The following FAXC variants were observed in gnomAD, a reference collection of about 807,000 sequenced individuals.
FAXC encodes the protein failed axon connections homolog.
FAXC carries 10 observed loss-of-function variants against 41.9 expected under a neutral mutation model. The ratio of observed to expected loss-of-function variants is 0.24; its 90% CI spans 0.15 to 0.41. FAXC has a LOEUF of 0.41. Among genes scored for constraint, FAXC ranks in the 10% least tolerant of loss-of-function variants. The pLI is 1.00. For synonymous variants in FAXC, 183 were observed against 183.8 expected, an observed-to-expected ratio of 1.00 and a Z score of 0.03; for missense variants, 399 against 510.9, an observed-to-expected ratio of 0.78 and a Z score of 2.11.
intron 4 of FAXC, among the ~76,000 whole-genome samples, chr6:99,302,815 C>G (rs1440762685): frequency 1.3e-5 from 2 of 151,760 alleles, no homozygotes; most frequent in Admixed American, 6.6e-5. Context: ...TTTACCAGAG[C>G]TACATTCAAA....
chr6:99,334,599 C>T, intron 2 of FAXC: 1 of 981,384 alleles, frequency 1.0e-6, no homozygotes, highest in Non-Finnish European at 1.2e-6. Flanking sequence ...AAGATGTAAA[C>T]TTACCACATA....
At chr6:99,289,977 G>T (rs1314923575) in intron 5 of FAXC, among the ~76,000 whole-genome samples, 3 of 152,008 alleles carry the variant, frequency 2.0e-5, no homozygotes, top group Non-Finnish European at 4.4e-5. Flanking sequence ...CCCAGGAAGA[G>T]ATCAAAATTC....
intron 1 of FAXC, among the ~76,000 whole-genome samples, chr6:99,345,563 T>C (rs1405305997): frequency 6.6e-6 from 1 of 152,220 alleles, no homozygotes; most frequent in African/African-American, 2.4e-5. Context: ...AAAGTGATCT[T>C]ACCATAAGGT....
chr6:99,313,570 CAACTT>C (rs932385131), intron 4 of FAXC, among the ~76,000 whole-genome samples: 31 of 152,110 alleles, frequency 2.0e-4, no homozygotes, highest in Middle Eastern at 3.2e-3. Flanking sequence ...TCAAGCAATT[CAACTT>C]TTCTTTTATA....
At chr6:99,301,704 T>A (rs1771712363) in intron 4 of FAXC, among the ~76,000 whole-genome samples, 1 of 152,184 alleles carries the variant, frequency 6.6e-6, no homozygotes, top group Admixed American at 6.5e-5. Flanking sequence ...CTGGAGAGAC[T>A]GAAAGATAAG....
At chr6:99,286,268 G>A (rs1771026794) in intron 5 of FAXC, among the ~76,000 whole-genome samples, 1 of 152,104 alleles carries the variant, frequency 6.6e-6, no homozygotes, top group Admixed American at 6.6e-5. Context: ...CCTTTGCCTT[G>A]TCTCCTCGAA....
At chr6:99,317,167 T>A (rs1772390730) in intron 4 of FAXC, among the ~76,000 whole-genome samples, 1 of 94,426 alleles carries the variant, frequency 1.1e-5, no homozygotes, top group Admixed American at 1.1e-4. Context: ...TGAAGTTTGC[T>A]GGAAATCAGA....
chr6:99,272,519 G>C lies in FAXC; in HGVS notation c.*8645C>G, dbSNP rs995054175. On this transcript the variant is annotated 3_prime_UTR_variant, in exon 6 of 6. Coordinates refer to ENST00000389677, the MANE Select transcript of FAXC (RefSeq NM_032511.4). The stretch of plus-strand genomic sequence containing the variant: ...ACAAGGGGAAATTGGTCTATTATAA[G>C]GCCTAGCCATAGTAAAGGTCTCAAC... The C allele has an allele frequency of 1.3e-5, 2 of 152,120 alleles. No homozygotes were observed. Among genetic ancestry groups the C allele is most frequent in the South Asian group, 2.1e-4 (1 of 4,828 alleles). 9.4% of individuals were successfully genotyped at this position (152,120 alleles called of 1,614,324 possible).
intron 2 of FAXC, among the ~76,000 whole-genome samples, chr6:99,336,866 T>C (rs1409615216): frequency 6.6e-6 from 1 of 152,192 alleles, no homozygotes; most frequent in Non-Finnish European, 1.5e-5. Flanking sequence ...TCTGATTTGA[T>C]ATACTGGCCA....
At position 99,349,581 on chromosome 6, in the gene FAXC, G is replaced by C. The variant is rs955558772; in HGVS notation, c.-209C>G. ...GCCGCGGACGGCGGGCCTGGCCGGC[G>C]GGGCCCCAGAGCCCTGGGCGGCAGC... is the stretch of plus-strand genomic sequence containing the variant. On this transcript the variant is annotated 5_prime_UTR_variant, in exon 1 of 6. Transcript: ENST00000389677. 2 of 185,522 alleles carry C rather than the reference G, an allele frequency of 1.1e-5. No individual in the cohort carries two copies. Among genetic ancestry groups the C allele is most frequent in the Non-Finnish European group, 2.0e-5 (2 of 98,150 alleles). The allele number at this position is 185,522 out of a possible 1,614,324, so 11.5% of individuals were successfully genotyped here. A position where few individuals can be genotyped will look rare whatever the true frequency, so the allele number is the denominator to read the frequency against.
chr6:99,297,253 G>T (rs1771534249), intron 4 of FAXC, among the ~76,000 whole-genome samples: 1 of 152,170 alleles, frequency 6.6e-6, no homozygotes. Flanking sequence ...AGAGTATGTG[G>T]AGGAGGACTG....
intron 4 of FAXC, among the ~76,000 whole-genome samples, chr6:99,319,877 C>T (rs1406098470): frequency 1.3e-5 from 2 of 152,168 alleles, no homozygotes. Flanking sequence ...CCTTCGTAAA[C>T]TTACTGAATT....
intron 5 of FAXC, among the ~76,000 whole-genome samples, chr6:99,281,768 C>G (rs1225453081): frequency 6.6e-6 from 1 of 152,210 alleles, no homozygotes; most frequent in Non-Finnish European, 1.5e-5. Flanking sequence ...CTGAATGGGC[C>G]AGAGTCGTGA....
At chr6:99,295,617 A>G (rs1197111356) in intron 4 of FAXC, among the ~76,000 whole-genome samples, 1 of 152,184 alleles carries the variant, frequency 6.6e-6, no homozygotes, top group African/African-American at 2.4e-5. Flanking sequence ...GGGACTTGTC[A>G]GCTTCCATAA....
At chr6:99,341,660 A>C (rs930291697) in intron 2 of FAXC, among the ~76,000 whole-genome samples, 1 of 152,230 alleles carries the variant, frequency 6.6e-6, no homozygotes. Context: ...CAACAGATAC[A>C]CTTGAATATT....
chr6:99,284,598 T>TGTGTGTGAGA (rs34495212), intron 5 of FAXC, among the ~76,000 whole-genome samples: 2 of 142,856 alleles, frequency 1.4e-5, no homozygotes, highest in Admixed American at 7.1e-5. Context: ...TGTGTGTGTG[T>TGTGTGTGAGA]GATAAGCCTG....
At position 99,342,710 on chromosome 6, in the gene FAXC, T is replaced by A. The variant is rs568425864; in HGVS notation, c.402+188A>T. The stretch of plus-strand genomic sequence containing the variant: ...CTCTCAAAAGTTTAGACCTTTTTGA[T>A]CCATCATTATCAACAGACCCTGGAA... On this transcript the variant is annotated intron_variant, in intron 2 of 5. Coordinates refer to ENST00000389677, the MANE Select transcript of FAXC (RefSeq NM_032511.4). Among the ~76,000 whole-genome samples the A allele has an allele frequency of 2.8e-4, 42 of 152,338 alleles. No individual in the cohort carries two copies. The South Asian group carries it at 5.2e-3, about 19-fold the overall frequency.
chr6:99,307,587 G>A (rs1212053205), intron 4 of FAXC, among the ~76,000 whole-genome samples: 2 of 152,160 alleles, frequency 1.3e-5, no homozygotes, highest in Non-Finnish European at 2.9e-5. Flanking sequence ...ATCAAGGGTG[G>A]GGTGTTGCGG....
chr6:99,284,711 G>A (rs948902455), intron 5 of FAXC, among the ~76,000 whole-genome samples: 3 of 152,020 alleles, frequency 2.0e-5, no homozygotes, highest in Admixed American at 6.6e-5. Flanking sequence ...CCAGGAGTTC[G>A]ATACCAGCCT....
Sources: allele counts gnomAD v4.1 joint callset (sites outside exome capture counted in the v4.1 genomes callset), GRCh38; gene constraint gnomAD v4.1.1; transcripts MANE v1.5; gene names NCBI Gene and HGNC (gene_info 2026-07-23, HGNC 2026-07-21).